SHQ1: variants seen among roughly 807,000 people sequenced by gnomAD.
SHQ1 encodes protein SHQ1 homolog.
SHQ1 carries 49 observed loss-of-function variants against 53.8 expected under a neutral mutation model. The observed-to-expected ratio is 0.91, with a 90% CI of 0.72 to 1.16. SHQ1 has a LOEUF of 1.16. SHQ1 is among the 50% of genes most tolerant of loss of function. The pLI is 0.00. For missense variants in SHQ1, 738 were observed against 683.1 expected (o/e 1.08, Z -0.90); for synonymous variants, 243 against 251.0 (o/e 0.97, Z 0.30).
rs187111159 is a variant in SHQ1, at chr3:72,846,053, C to T, written c.144-1630G>A. On this transcript the variant is annotated intron_variant, in intron 1 of 10. Coordinates refer to ENST00000325599, the MANE Select transcript of SHQ1 (RefSeq NM_018130.3). Reference sequence around the variant, plus strand: ...AAAGGGGGGAAATAACAGTAACTATCCAAGCGTTACTATGAGCATGAAATG... The same window carrying T: ...AAAGGGGGGAAATAACAGTAACTATTCAAGCGTTACTATGAGCATGAAATG... Among the ~76,000 whole-genome samples, 296 of 152,268 alleles carry T rather than the reference C, an allele frequency of 1.9e-3. 2 individuals carry two copies. Among genetic ancestry groups the T allele is most frequent in the African/African-American group, 6.7e-3 (279 of 41,534 alleles).
At chr3:72,774,781 CA>C (rs1379044513) in intron 10 of SHQ1, among the ~76,000 whole-genome samples, 1 of 152,026 alleles carries the variant, frequency 6.6e-6, no homozygotes, top group Admixed American at 6.6e-5. Context: ...CAGATAAAAG[CA>C]AAAGTAATGA....
the SHQ1 span, among the ~76,000 whole-genome samples, chr3:72,742,619 C>CTTTTTTTTTTTTTTT: frequency 7.8e-6 from 1 of 128,612 alleles, no homozygotes; most frequent in Non-Finnish European, 1.6e-5. Flanking sequence ...TTCTTTTTTT[C>CTTTTTTTTTTTTTTT]TTTTTTTTTT....
At chr3:72,803,724 A>T (rs1408328725) in intron 9 of SHQ1, among the ~76,000 whole-genome samples, 1 of 152,244 alleles carries the variant, frequency 6.6e-6, no homozygotes, top group Non-Finnish European at 1.5e-5. Flanking sequence ...AAGCAGCCAT[A>T]GACAATATGT....
rs137945849 is a variant in SHQ1 at position 72,827,707 on chromosome 3, A to C, written c.600-3156T>G. ...TTACTTTTCATAATAAATTACTTTC[A>C]AGTTTTGTCTGTTTTTTCATCTGAG... On this transcript the variant is annotated intron_variant, in intron 5 of 10. Transcript: ENST00000325599. Among the ~76,000 whole-genome samples the C allele has an allele frequency of 3.1e-3, 468 of 151,374 alleles. 6 individuals carry two copies. The highest frequency in any genetic ancestry group is 0.011 in the African/African-American group (441 of 41,280).
At chr3:72,751,695 G>A (rs1705386733) in intron 10 of SHQ1, among the ~76,000 whole-genome samples, 1 of 150,946 alleles carries the variant, frequency 6.6e-6, no homozygotes, top group African/African-American at 2.4e-5. Context: ...AGTCAAATAA[G>A]AGACATACAA....
downstream of SHQ1, among the ~76,000 whole-genome samples, chr3:72,746,179 T>TC (rs567249521): frequency 7.2e-5 from 11 of 151,782 alleles, no homozygotes; most frequent in East Asian, 3.9e-4. Flanking sequence ...TCGTTTGGAG[T>TC]CCCCCCCTCG....
intron 10 of SHQ1, among the ~76,000 whole-genome samples, chr3:72,778,956 A>G (rs1468366520): frequency 1.3e-5 from 2 of 152,134 alleles, no homozygotes; most frequent in Non-Finnish European, 2.9e-5. Context: ...GTTCCTAAAA[A>G]TCCTAATTCC....
At position 72,750,395 on chromosome 3, in the gene SHQ1, C is replaced by A. The variant is rs113644493; in HGVS notation, c.1623G>T (p.Glu541Asp). The part of the protein sequence containing the change: ...PLGVSGPLIE[E>D]LGEQLKTTVQ... The stretch of plus-strand genomic sequence containing the variant: ...CTGTAGTCTTCAGTTGTTCCCCAAG[C>A]TCCTCTATCAGAGGCCCAGACACTC... Residue 541 changes from glutamate to aspartate, a missense_variant, in exon 11 of 11, where the codon GAG (glutamate) becomes GAT (aspartate). By Grantham distance (45) the Glu-to-Asp change is conservative. Transcript: ENST00000325599. 1.9e-6 allele frequency: 3 copies of A among 1,614,188 alleles called. No homozygotes were observed. The Admixed American group carries it at 5.0e-5, about 27-fold the overall frequency.
chr3:72,736,490 TA>T, the SHQ1 span, among the ~76,000 whole-genome samples: 2 of 151,618 alleles, frequency 1.3e-5, no homozygotes, highest in East Asian at 1.9e-4. Flanking sequence ...AAAATTTTTT[TA>T]AAAAAATCCT....
intron 9 of SHQ1, among the ~76,000 whole-genome samples, chr3:72,805,856 T>C (rs951541970): frequency 2.0e-5 from 3 of 152,210 alleles, no homozygotes; most frequent in Non-Finnish European, 2.9e-5. Flanking sequence ...GTAAGCCATA[T>C]GGGAAATGCT....
downstream of SHQ1, among the ~76,000 whole-genome samples, chr3:72,745,982 A>C (rs1016561244): frequency 1.3e-5 from 2 of 151,710 alleles, no homozygotes; most frequent in African/African-American, 2.4e-5. Flanking sequence ...CTGGGATTAC[A>C]CGGGCCCGCC....
intron 4 of SHQ1, among the ~76,000 whole-genome samples, chr3:72,840,157 C>T (rs368037060): frequency 7.1e-6 from 1 of 140,658 alleles, no homozygotes; most frequent in African/African-American, 2.7e-5. Flanking sequence ...GAGGCTGAGG[C>T]AGGACAATCA....
chr3:72,780,675 A>G (rs1293407503), intron 10 of SHQ1, among the ~76,000 whole-genome samples: 1 of 152,246 alleles, frequency 6.6e-6, no homozygotes, highest in African/African-American at 2.4e-5. Context: ...TAGGATACAT[A>G]CACACCGAAA....
rs372032784 is a variant in SHQ1, at chr3:72,751,476, A to ATGTGTGTG, written c.1182-648_1182-641dup. Among the ~76,000 whole-genome samples the ATGTGTGTG allele has an allele frequency of 3.3e-3, 362 of 109,612 alleles. 2 individuals are homozygous for ATGTGTGTG. Among genetic ancestry groups the ATGTGTGTG allele is most frequent in the African/African-American group, 5.6e-3 (123 of 21,954 alleles). The allele number at this position is 109,612 out of a possible 152,430, so 71.9% of individuals were successfully genotyped here. A position where few individuals can be genotyped will look rare whatever the true frequency, so the allele number is the denominator to read the frequency against. ...GGTAATATATCTATAATAAGCACAT[A>ATGTGTGTG]TGTGTGTGTGTGTGTGTGTGTGTGT... On this transcript the variant is annotated intron_variant, in intron 10 of 10. Transcript: ENST00000325599.
At chr3:72,756,429 C>T (rs1705498112) in intron 10 of SHQ1, among the ~76,000 whole-genome samples, 1 of 152,104 alleles carries the variant, frequency 6.6e-6, no homozygotes, top group South Asian at 2.1e-4. Context: ...GCATGCGCCA[C>T]CACGCCCGGC....
chr3:72,726,011 T>C, the SHQ1 span, among the ~76,000 whole-genome samples: 1 of 152,200 alleles, frequency 6.6e-6, no homozygotes, highest in Admixed American at 6.5e-5. Flanking sequence ...GATGCAGCTA[T>C]AGTCCCAGCT....
chr3:72,757,832 G>C (rs1476107680), intron 10 of SHQ1, among the ~76,000 whole-genome samples: 1 of 152,144 alleles, frequency 6.6e-6, no homozygotes, highest in Non-Finnish European at 1.5e-5. Flanking sequence ...AGAGGGTGGA[G>C]GATAGGTAGA....
chr3:72,787,089 G>C (rs1274733186), intron 10 of SHQ1, among the ~76,000 whole-genome samples: 1 of 152,160 alleles, frequency 6.6e-6, no homozygotes, highest in Non-Finnish European at 1.5e-5. Flanking sequence ...TTACAACTGA[G>C]GAAATTAAGG....
intron 10 of SHQ1, among the ~76,000 whole-genome samples, chr3:72,767,639 T>TA (rs1406031390): frequency 6.6e-6 from 1 of 152,218 alleles, no homozygotes; most frequent in African/African-American, 2.4e-5. Flanking sequence ...CCTCAAGACT[T>TA]ACTGGCAAAA....
Sources: gnomAD v4.1 joint callset for allele counts (sites outside exome capture counted in the v4.1 genomes callset) on GRCh38, gnomAD v4.1.1 for gene constraint, MANE v1.5 for transcripts, NCBI Gene and HGNC (gene_info 2026-07-23, HGNC 2026-07-21) for gene names.